PDE4D: variants seen among roughly 807,000 people sequenced by gnomAD.
The protein encoded by PDE4D is phosphodiesterase 4D.
A neutral mutation model predicts 87.4 loss-of-function variants in PDE4D; 24 were observed. That is an observed-to-expected ratio of 0.27 (90% CI 0.20 to 0.39). The LOEUF is 0.39. PDE4D is among the 10% of genes least tolerant of loss of function. PDE4D has a pLI of 1.00. For synonymous variants in PDE4D, 384 were observed against 383.2 expected, an observed-to-expected ratio of 1.00 and a Z score of -0.02; for missense variants, 714 against 1,041.0, an observed-to-expected ratio of 0.69 and a Z score of 4.32.
At chr5:59,199,945 T>C (rs867444834) in intron 2 of PDE4D, among the ~76,000 whole-genome samples, 2 of 151,716 alleles carry the variant, frequency 1.3e-5, no homozygotes, top group African/African-American at 2.4e-5. Context: ...TATACATATA[T>C]ACATACATGT....
At chr5:60,374,769 T>C (rs548538385) in intron 1 of PDE4D, among the ~76,000 whole-genome samples, 16 of 152,332 alleles carry the variant, frequency 1.1e-4, no homozygotes, top group Admixed American at 3.9e-4. Flanking sequence ...CTGAAATATC[T>C]GTAATGAGCT....
intron 1 of PDE4D, among the ~76,000 whole-genome samples, chr5:60,468,956 C>T (rs550560932): frequency 6.6e-6 from 1 of 152,292 alleles, no homozygotes; most frequent in Admixed American, 6.5e-5. Context: ...CAAGCCTTTG[C>T]CTTTACCTCC....
At chr5:59,172,359 AT>A (rs2153473748) in intron 5 of PDE4D, among the ~76,000 whole-genome samples, 1 of 134,736 alleles carries the variant, frequency 7.4e-6, no homozygotes, top group African/African-American at 2.8e-5. Flanking sequence ...TATATTTTGT[AT>A]ATATTATATA....
intron 1 of PDE4D, among the ~76,000 whole-genome samples, chr5:60,372,975 C>T (rs908049140): frequency 2.6e-5 from 4 of 152,200 alleles, no homozygotes; most frequent in Non-Finnish European, 4.4e-5. Context: ...TCAGACACAC[C>T]GCAATTTGAA....
At chr5:59,072,542 T>C (rs1459493237) in intron 5 of PDE4D, among the ~76,000 whole-genome samples, 1 of 152,234 alleles carries the variant, frequency 6.6e-6, no homozygotes, top group African/African-American at 2.4e-5. Flanking sequence ...CATCAGGAAG[T>C]ATACCCCTTG....
chr5:59,311,261 T>C (rs988257006), intron 1 of PDE4D, among the ~76,000 whole-genome samples: 6 of 151,952 alleles, frequency 3.9e-5, no homozygotes, highest in African/African-American at 1.4e-4. Context: ...GCGTGGTGGC[T>C]CATGCTTATA....
At chr5:60,005,870 T>C (rs1764424368) in intron 2 of PDE4D, among the ~76,000 whole-genome samples, 1 of 151,798 alleles carries the variant, frequency 6.6e-6, no homozygotes, top group Non-Finnish European at 1.5e-5. Context: ...AAAGAGGAAA[T>C]TTATAGTGTA....
intron 5 of PDE4D, among the ~76,000 whole-genome samples, chr5:59,077,551 C>T (rs1765924858): frequency 6.6e-6 from 1 of 150,662 alleles, no homozygotes; most frequent in South Asian, 2.1e-4. Flanking sequence ...TCGCTGCAAC[C>T]TCTGCCTCTC....
intron 1 of PDE4D, among the ~76,000 whole-genome samples, chr5:59,310,636 T>C (rs1772399007): frequency 6.6e-6 from 1 of 152,228 alleles, no homozygotes. Flanking sequence ...AGAAGACTGA[T>C]AGGCAATGTC....
upstream of PDE4D, among the ~76,000 whole-genome samples, chr5:59,897,853 T>C (rs181371490): frequency 6.6e-6 from 1 of 152,344 alleles, no homozygotes; most frequent in Admixed American, 6.5e-5. Flanking sequence ...TAATTACATA[T>C]CCAAAGGCAT....
At chr5:59,594,292 T>TTTTTTTTA (rs1370728652) in intron 1 of PDE4D, among the ~76,000 whole-genome samples, 4 of 140,962 alleles carry the variant, frequency 2.8e-5, no homozygotes, top group Admixed American at 7.1e-5. Flanking sequence ...AACTTTTTTA[T>TTTTTTTTA]TTTATTTATT....
At chr5:60,455,120 A>G (rs973519374) in intron 1 of PDE4D, among the ~76,000 whole-genome samples, 1 of 152,202 alleles carries the variant, frequency 6.6e-6, no homozygotes, top group African/African-American at 2.4e-5. Context: ...ATAAAATTTT[A>G]AAATTCTTGC....
intron 3 of PDE4D, among the ~76,000 whole-genome samples, chr5:59,918,039 T>C (rs923030951): frequency 6.6e-6 from 1 of 151,794 alleles, no homozygotes; most frequent in South Asian, 2.1e-4. Context: ...CTATACACAA[T>C]CAATTACACA....
In PDE4D at chr5:59,142,810, G is replaced by T. The variant is rs189866052; in HGVS notation, c.808+37785C>A. ...CACACGCCTGTAGTCCCAGCTACTC[G>T]GGAGGCTGAGGCAGGAGAATCGCTT... On this transcript the variant is annotated intron_variant, in intron 5 of 14. Coordinates refer to ENST00000340635, the MANE Select transcript of PDE4D (RefSeq NM_001104631.2). Among the ~76,000 whole-genome samples the T allele has an allele frequency of 1.7e-3, 261 of 152,232 alleles. 1 individual carries two copies. The highest frequency in any genetic ancestry group is 6.1e-3 in the African/African-American group (253 of 41,564).
At chr5:60,030,132 T>C (rs1046308846) in intron 2 of PDE4D, among the ~76,000 whole-genome samples, 2 of 152,170 alleles carry the variant, frequency 1.3e-5, no homozygotes, top group Non-Finnish European at 2.9e-5. Flanking sequence ...TTAACCCCAA[T>C]GTCCATGAGC....
At chr5:59,915,038 CAG>C (rs1023099479) in intron 3 of PDE4D, among the ~76,000 whole-genome samples, 5 of 151,922 alleles carry the variant, frequency 3.3e-5, no homozygotes, top group Non-Finnish European at 7.4e-5. Context: ...GTTGTAAATC[CAG>C]AGTTTGTTTT....
intron 5 of PDE4D, among the ~76,000 whole-genome samples, chr5:59,060,527 C>G (rs1402387283): frequency 6.6e-6 from 1 of 152,002 alleles, no homozygotes; most frequent in Non-Finnish European, 1.5e-5. Context: ...TTTAACATAT[C>G]TATAAAAATT....
intron 1 of PDE4D, among the ~76,000 whole-genome samples, chr5:60,287,395 T>A (rs1264159743): frequency 6.6e-6 from 1 of 152,188 alleles, no homozygotes; most frequent in African/African-American, 2.4e-5. Flanking sequence ...CCTTCAGGCC[T>A]TAGGGCACCA....
chr5:60,157,080 T>C (rs1393496395), intron 2 of PDE4D, among the ~76,000 whole-genome samples: 1 of 152,186 alleles, frequency 6.6e-6, no homozygotes, highest in Non-Finnish European at 1.5e-5. Flanking sequence ...ATTCACAAAG[T>C]ACTTTCCAGC....
Sources: gnomAD v4.1 joint callset for allele counts (sites outside exome capture counted in the v4.1 genomes callset) on GRCh38, gnomAD v4.1.1 for gene constraint, MANE v1.5 for transcripts, NCBI Gene and HGNC (gene_info 2026-07-23, HGNC 2026-07-21) for gene names.